OSBPL8: variants seen among roughly 807,000 people sequenced by gnomAD.
OSBPL8 encodes oxysterol binding protein like 8, also known as oxysterol-binding protein-related protein 8.
Under a neutral mutation model 125.5 loss-of-function variants are expected in OSBPL8, and 59 were observed. The ratio of observed to expected loss-of-function variants is 0.47; its 90% CI spans 0.38 to 0.58. The LOEUF (loss-of-function observed/expected upper bound fraction) is 0.58, where lower values mean the gene tolerates loss of function less well. Ranked by LOEUF, OSBPL8 falls within the 20% of genes least tolerant of loss-of-function variation. OSBPL8 has a pLI of 0.00. For missense variants in OSBPL8, 758 were observed against 1,047.8 expected (o/e 0.72, Z 3.82); for synonymous variants, 330 against 338.9 (o/e 0.97, Z 0.29).
chr12:76,515,545 G>T (rs965830260), intron 1 of OSBPL8, among the ~76,000 whole-genome samples: 3 of 152,234 alleles, frequency 2.0e-5, no homozygotes, highest in Admixed American at 6.5e-5. Context: ...TTGCAGCCAC[G>T]TTCCCTCTCA....
At chr12:76,426,405 T>A (rs1870151600) in intron 4 of OSBPL8, among the ~76,000 whole-genome samples, 1 of 152,204 alleles carries the variant, frequency 6.6e-6, no homozygotes, top group South Asian at 2.1e-4. Flanking sequence ...CTGAAGTTTT[T>A]CTTCAAACAC....
At chr12:76,427,224 AAAC>A (rs1183156271) in intron 4 of OSBPL8, among the ~76,000 whole-genome samples, 1 of 152,096 alleles carries the variant, frequency 6.6e-6, no homozygotes, top group African/African-American at 2.4e-5. Flanking sequence ...GAAGCAGTGG[AAAC>A]AACATTATAT....
chr12:76,506,987 T>G (rs1005004515), intron 1 of OSBPL8, among the ~76,000 whole-genome samples: 1 of 148,920 alleles, frequency 6.7e-6, no homozygotes, highest in African/African-American at 2.6e-5. Flanking sequence ...ATTGCTTCTG[T>G]TAATTTTTTA....
chr12:76,395,025 T>A (rs1003398762), intron 8 of OSBPL8, among the ~76,000 whole-genome samples: 17 of 152,070 alleles, frequency 1.1e-4, no homozygotes, highest in African/African-American at 4.1e-4. Context: ...AAACCAAATT[T>A]TAACAATGTC....
intron 23 of OSBPL8, 141 bp from the exon 24 acceptor site, chr12:76,356,162 T>TGGGGGGGTAGGGGGGTGGATGGGGGGGGG: frequency 7.6e-6 from 1 of 131,274 alleles, no homozygotes; most frequent in Non-Finnish European, 1.6e-5. Flanking sequence ...TATGTAGGGG[T>TGGGGGGGTAGGGGGGTGGATGGGGGGGGG]GGGGGGGGGC....
In OSBPL8 at chr12:76,397,553, A is replaced by G. The variant is rs1592601953; in HGVS notation, c.672+141T>C. 2.6e-5 allele frequency: 22 copies of G among 840,528 alleles called. No homozygotes were observed. The East Asian group carries it at 5.7e-4, about 22-fold the overall frequency. The allele number at this position is 840,528 out of a possible 1,614,324, so 52.1% of individuals were successfully genotyped here. A position where few individuals can be genotyped will look rare whatever the true frequency, so the allele number is the denominator to read the frequency against. On this transcript the variant is annotated intron_variant, in intron 8 of 23. Transcript: ENST00000261183. ...TGCACATTTTGTTGTGGGTAGAGGCAGAATGGGGGAATAATGCAATGGAAA... is the reference window on the plus strand; with the variant it reads ...TGCACATTTTGTTGTGGGTAGAGGCGGAATGGGGGAATAATGCAATGGAAA...
rs554106076 is a variant in OSBPL8 at position 76,534,973 on chromosome 12, A to C, written c.-68+24424T>G. On this transcript the variant is annotated intron_variant, in intron 1 of 23. Transcript: ENST00000261183. Reference sequence around the variant, plus strand: ...GAACAACCAAAACAGCCTGGCTTTTATACTAAACAAAAATTAACTCAAAAT... The same window carrying C: ...GAACAACCAAAACAGCCTGGCTTTTCTACTAAACAAAAATTAACTCAAAAT... Among the ~76,000 whole-genome samples the C allele has an allele frequency of 4.6e-5, 7 of 152,306 alleles. No homozygotes were observed. The South Asian group carries it at 1.2e-3, about 27-fold the overall frequency.
chr12:76,402,772 A>G lies in OSBPL8; in HGVS notation c.289-6T>C, dbSNP rs747954261. 28 of 1,564,116 alleles carry G rather than the reference A, an allele frequency of 1.8e-5. No homozygotes were observed. The South Asian group carries it at 2.6e-4, about 15-fold the overall frequency. On this transcript the variant is annotated splice_polypyrimidine_tract_variant and splice_region_variant and intron_variant, in intron 5 of 23. Transcript: ENST00000261183. ...TTATAAAGTTTAGATTCAGACTGAA[A>G]TCATACAGAAACAAGAGAAATTAAA...
chr12:76,495,811 A>G (rs1879209822), intron 1 of OSBPL8, among the ~76,000 whole-genome samples: 2 of 152,140 alleles, frequency 1.3e-5, no homozygotes, highest in African/African-American at 4.8e-5. Flanking sequence ...AGTTCTTTTC[A>G]GTCTGAAGAC....
chr12:76,372,994 G>A (rs1952676875), intron 18 of OSBPL8, among the ~76,000 whole-genome samples: 1 of 152,080 alleles, frequency 6.6e-6, no homozygotes, highest in African/African-American at 2.4e-5. Flanking sequence ...TCTGTAAAAT[G>A]GGGACAATAA....
At chr12:76,358,595 GC>G in intron 22 of OSBPL8, 110 bp downstream of exon 22, 1 of 896,106 alleles carries the variant, frequency 1.1e-6, no homozygotes, top group Non-Finnish European at 1.8e-6. Flanking sequence ...TCTCAACCCT[GC>G]CCCGACCAAA....
intron 21 of OSBPL8, among the ~76,000 whole-genome samples, chr12:76,367,462 A>T (rs1952463499): frequency 6.6e-6 from 1 of 152,106 alleles, no homozygotes; most frequent in Non-Finnish European, 1.5e-5. Context: ...ATGGATCTAA[A>T]GTGAATCTCT....
At chr12:76,459,434 C>A (rs114277675) in intron 3 of OSBPL8, among the ~76,000 whole-genome samples, 1,580 of 152,192 alleles carry the variant, frequency 0.01, 35 homozygotes, top group African/African-American at 0.037. Context: ...TTATAAAATA[C>A]CCAAAGTATA....
At chr12:76,474,202 T>C (rs1178713099) in intron 2 of OSBPL8, among the ~76,000 whole-genome samples, 3 of 152,166 alleles carry the variant, frequency 2.0e-5, no homozygotes, top group Admixed American at 6.5e-5. Context: ...AACATAAAAA[T>C]TTTTTAAGTA....
At chr12:76,432,021 A>G (rs1211835080) in intron 4 of OSBPL8, among the ~76,000 whole-genome samples, 2 of 152,228 alleles carry the variant, frequency 1.3e-5, no homozygotes, top group African/African-American at 4.8e-5. Context: ...TCAAAATAAT[A>G]TCAAGTATCT....
chr12:76,504,430 G>A (rs1048961168), intron 1 of OSBPL8, among the ~76,000 whole-genome samples: 5 of 152,150 alleles, frequency 3.3e-5, no homozygotes, highest in South Asian at 2.1e-4. Flanking sequence ...TCTTTGCCTT[G>A]GGGATTATAG....
In OSBPL8 at chr12:76,505,275, C is replaced by T. The variant is rs905889828; in HGVS notation, c.-67-17657G>A. Among the ~76,000 whole-genome samples, 45 of 152,160 alleles carry T rather than the reference C, an allele frequency of 3.0e-4. 1 individual carries two copies. Among genetic ancestry groups the T allele is most frequent in the Admixed American group, 9.8e-4 (15 of 15,286 alleles). On this transcript the variant is annotated intron_variant, in intron 1 of 23. Coordinates refer to ENST00000261183, the MANE Select transcript of OSBPL8 (RefSeq NM_020841.5). ...GCTTTACAGTGATCACCAAGTACGC[C>T]GCTGCCAGCTACCCATATTAGTACC...
chr12:76,502,852 A>G (rs1395444409), intron 1 of OSBPL8, among the ~76,000 whole-genome samples: 1 of 152,222 alleles, frequency 6.6e-6, no homozygotes, highest in Non-Finnish European at 1.5e-5. Flanking sequence ...CAAAAATTGT[A>G]ATTTCTGGGA....
intron 1 of OSBPL8, among the ~76,000 whole-genome samples, chr12:76,550,668 C>T (rs773113738): frequency 3.9e-5 from 6 of 152,188 alleles, no homozygotes; most frequent in African/African-American, 1.4e-4. Context: ...CTGTCCTGGG[C>T]CGTGCGCAGC....
Sources: allele counts gnomAD v4.1 joint callset (sites outside exome capture counted in the v4.1 genomes callset), GRCh38; gene constraint gnomAD v4.1.1; transcripts MANE v1.5; gene names NCBI Gene and HGNC (gene_info 2026-07-23, HGNC 2026-07-21).